ANKRD29: variants seen among roughly 807,000 people sequenced by gnomAD.
ANKRD29 encodes ankyrin repeat domain 29, also known as ankyrin repeat domain-containing protein 29.
Under a neutral mutation model 38.0 loss-of-function variants are expected in ANKRD29, and 32 were observed. The ratio of observed to expected loss-of-function variants is 0.84; its 90% confidence interval spans 0.64 to 1.13. The LOEUF is 1.13. Ranked by LOEUF, ANKRD29 falls within the 50% of genes most tolerant of loss-of-function variation. ANKRD29 has a pLI of 0.00. For synonymous variants in ANKRD29, 135 were observed against 152.4 expected (o/e 0.89, Z 0.84); for missense variants, 357 against 377.9 (o/e 0.94, Z 0.46).
At chr18:23,616,747 C>T (rs1362029207) in intron 8 of ANKRD29, among the ~76,000 whole-genome samples, 3 of 143,846 alleles carry the variant, frequency 2.1e-5, no homozygotes, top group Non-Finnish European at 3.0e-5. Context: ...GTAATATTTA[C>T]TAAAATGTTA....
intron 6 of ANKRD29, among the ~76,000 whole-genome samples, chr18:23,626,503 C>A (rs1482733431): frequency 6.6e-6 from 1 of 152,172 alleles, no homozygotes; most frequent in African/African-American, 2.4e-5. Flanking sequence ...AGCAACTCAA[C>A]TTGGTGAGGA....
intron 9 of ANKRD29, among the ~76,000 whole-genome samples, chr18:23,607,639 T>C (rs1001589082): frequency 1.3e-5 from 2 of 152,234 alleles, no homozygotes; most frequent in African/African-American, 4.8e-5. Context: ...TCCATGCTGT[T>C]CTAAAATCCT....
At chr18:23,639,528 GATT>G (rs766699008) in intron 3 of ANKRD29, among the ~76,000 whole-genome samples, 92 of 134,396 alleles carry the variant, frequency 6.8e-4, no homozygotes, top group African/African-American at 2.3e-3. Context: ...ATTTTACTGT[GATT>G]TTTTTTTTTT....
At chr18:23,610,479 AAAC>A (rs2059627790) in intron 9 of ANKRD29, among the ~76,000 whole-genome samples, 1 of 152,272 alleles carries the variant, frequency 6.6e-6, no homozygotes, top group East Asian at 1.9e-4. Flanking sequence ...TCTGTCTCAA[AAAC>A]AACAATAGCA....
Position 23,629,895 on chromosome 18 carries a change from T to A in ANKRD29, c.486A>T (p.Arg162=), listed in dbSNP as rs1161775238. The A allele has an allele frequency of 1.9e-6, 3 of 1,614,078 alleles. No homozygotes were observed. The change falls in exon 6 of 10, where the codon CGA becomes CGT. Residue 162 remains arginine (R), a synonymous_variant. Transcript: ENST00000592179. ...AAQGGYLDVI[R]LLLASGAKVN... is the part of the protein sequence containing the mutation. ...CTTTTGCTCCTGAAGCCAGCAGTAATCGAATAACATCCAAGTAACCACCTT... is the reference window on the plus strand; with the variant it reads ...CTTTTGCTCCTGAAGCCAGCAGTAAACGAATAACATCCAAGTAACCACCTT...
chr18:23,624,435 C>T (rs1461658725), intron 6 of ANKRD29, among the ~76,000 whole-genome samples: 1 of 117,230 alleles, frequency 8.5e-6, no homozygotes, highest in Admixed American at 1.2e-4. Context: ...CCTCTGCACT[C>T]CAGCCTGGGC....
intron 3 of ANKRD29, among the ~76,000 whole-genome samples, chr18:23,643,709 G>A (rs1239652359): frequency 6.6e-6 from 1 of 152,196 alleles, no homozygotes; most frequent in Non-Finnish European, 1.5e-5. Flanking sequence ...TGCCTGAGAG[G>A]TGTCATCAGC....
At chr18:23,621,308 G>A (rs1442536005) in intron 6 of ANKRD29, among the ~76,000 whole-genome samples, 1 of 152,198 alleles carries the variant, frequency 6.6e-6, no homozygotes, top group African/African-American at 2.4e-5. Flanking sequence ...AGCAGAAGCA[G>A]GCACAAGATT....
At chr18:23,629,011 G>C (rs544703966) in intron 6 of ANKRD29, among the ~76,000 whole-genome samples, 2 of 152,254 alleles carry the variant, frequency 1.3e-5, no homozygotes, top group Admixed American at 6.5e-5. Flanking sequence ...TTGAGACAGA[G>C]TCTTGTTCTA....
At chr18:23,602,169 T>C (rs2059521736) in intron 9 of ANKRD29, among the ~76,000 whole-genome samples, 1 of 152,110 alleles carries the variant, frequency 6.6e-6, no homozygotes, top group African/African-American at 2.4e-5. Context: ...CCCGAGTGGC[T>C]GGGACTACAG....
chr18:23,662,613 G>GCCCACCCCCT, intron 1 of ANKRD29, 97 bp downstream of exon 1: 1 of 403,938 alleles, frequency 2.5e-6, no homozygotes, highest in Non-Finnish European at 4.5e-6. Flanking sequence ...AGCGGGCAGC[G>GCCCACCCCCT]CCCACCCCAT....
intron 1 of ANKRD29, among the ~76,000 whole-genome samples, chr18:23,654,618 C>CAAAAAAAAAAAAAAAAAAAAA: frequency 2.0e-5 from 1 of 50,382 alleles, no homozygotes; most frequent in Non-Finnish European, 4.5e-5. Flanking sequence ...GACTCTGTCT[C>CAAAAAAAAAAAAAAAAAAAAA]AAAAAAAAAA....
At chr18:23,635,820 G>A (rs1040524807) in intron 4 of ANKRD29, among the ~76,000 whole-genome samples, 1 of 152,116 alleles carries the variant, frequency 6.6e-6, no homozygotes, top group African/African-American at 2.4e-5. Flanking sequence ...TCTCGAATTC[G>A]TAGGCAGGTA....
At position 23,612,194 on chromosome 18, in the gene ANKRD29, A is replaced by G. The variant is rs1298465462; in HGVS notation, c.724-4T>C. The G allele has an allele frequency of 2.5e-6, 4 of 1,612,394 alleles. No individual in the cohort carries two copies. In the East Asian group the frequency reaches 8.9e-5, roughly 36 times the overall value. ...CATGGAGCGCTGATGTCCCATTCTA[A>G]GAGAAAATGACAGTGTGTGTCAGGA... On this transcript the variant is annotated splice_polypyrimidine_tract_variant and splice_region_variant and intron_variant, in intron 8 of 9. Transcript: ENST00000592179.
chr18:23,603,722 C>CT (rs2059542177), intron 9 of ANKRD29, among the ~76,000 whole-genome samples: 1 of 152,124 alleles, frequency 6.6e-6, no homozygotes, highest in Admixed American at 6.6e-5. Context: ...ATACCTTGTT[C>CT]TTTCAAGTAA....
chr18:23,640,157 C>G (rs2060055507), intron 3 of ANKRD29, among the ~76,000 whole-genome samples: 1 of 151,988 alleles, frequency 6.6e-6, no homozygotes, highest in Non-Finnish European at 1.5e-5. Flanking sequence ...GCCAATGTGA[C>G]CACATAGGCA....
intron 2 of ANKRD29, chr18:23,646,659 G>A: frequency 6.2e-6 from 1 of 162,228 alleles, no homozygotes; most frequent in Non-Finnish European, 1.3e-5. Context: ...AAATTAAATG[G>A]TACCATCTGA....
intron 3 of ANKRD29, among the ~76,000 whole-genome samples, chr18:23,645,698 T>C (rs192822864): frequency 1.3e-5 from 2 of 152,328 alleles, no homozygotes; most frequent in East Asian, 3.9e-4. Flanking sequence ...TTTTGTCCAG[T>C]GTTGACCCAT....
intron 1 of ANKRD29, among the ~76,000 whole-genome samples, chr18:23,654,513 G>A (rs561850992): frequency 1.3e-5 from 2 of 149,838 alleles, no homozygotes; most frequent in African/African-American, 4.9e-5. Context: ...CCAGCTACTC[G>A]GGAGGCTGCG....
Sources: gnomAD v4.1 joint callset for allele counts (sites outside exome capture counted in the v4.1 genomes callset) on GRCh38, gnomAD v4.1.1 for gene constraint, MANE v1.5 for transcripts, NCBI Gene and HGNC (gene_info 2026-07-23, HGNC 2026-07-21) for gene names.